The following ITGB6 variants were observed in gnomAD, a reference collection of about 807,000 sequenced individuals.
The protein encoded by ITGB6 is integrin beta-6.
A neutral mutation model predicts 84.5 loss-of-function variants in ITGB6; 80 were observed. That is an observed-to-expected ratio of 0.95 (90% CI 0.79 to 1.14). ITGB6 has a LOEUF of 1.14. ITGB6 is among the 50% of genes most tolerant of loss of function. The probability of loss-of-function intolerance (pLI) is 0.00; values close to 1 mark genes in which losing one functional copy is unlikely to be tolerated. For synonymous variants in ITGB6, 383 were observed against 354.9 expected, an observed-to-expected ratio of 1.08 and a Z score of -0.89; for missense variants, 1,006 against 968.0, an observed-to-expected ratio of 1.04 and a Z score of -0.52.
At chr2:160,162,409 A>T (rs966664714) in intron 7 of ITGB6, among the ~76,000 whole-genome samples, 1 of 152,136 alleles carries the variant, frequency 6.6e-6, no homozygotes, top group Non-Finnish European at 1.5e-5. Context: ...TATTTTTAAT[A>T]GCACAAAAAA....
intron 4 of ITGB6, among the ~76,000 whole-genome samples, chr2:160,183,398 A>G (rs1427259536): frequency 6.6e-6 from 1 of 152,206 alleles, no homozygotes; most frequent in Admixed American, 6.5e-5. Flanking sequence ...AAAGAAGGGC[A>G]TTACATAATG....
intron 12 of ITGB6, among the ~76,000 whole-genome samples, chr2:160,115,907 C>G (rs6736279): frequency 6.6e-6 from 1 of 150,564 alleles, no homozygotes; most frequent in Admixed American, 6.6e-5. Context: ...GAAGAAAGGG[C>G]ATCAGTGATG....
chr2:160,123,008 C>A (rs534545064), intron 12 of ITGB6, among the ~76,000 whole-genome samples: 1 of 152,292 alleles, frequency 6.6e-6, no homozygotes, highest in African/African-American at 2.4e-5. Context: ...CAGGATGATA[C>A]CAAATTAAAT....
intron 12 of ITGB6, among the ~76,000 whole-genome samples, chr2:160,112,460 A>C (rs1682578052): frequency 6.6e-6 from 1 of 152,188 alleles, no homozygotes; most frequent in Non-Finnish European, 1.5e-5. Context: ...GGATTGCAAC[A>C]GGCTGAACGT....
chr2:160,135,948 A>G (rs922498443), intron 10 of ITGB6, among the ~76,000 whole-genome samples: 1 of 152,178 alleles, frequency 6.6e-6, no homozygotes, highest in Non-Finnish European at 1.5e-5. Context: ...AACAATAAAA[A>G]CTCTAGAAGA....
intron 12 of ITGB6, among the ~76,000 whole-genome samples, chr2:160,116,450 A>G (rs1188402983): frequency 6.6e-6 from 1 of 152,092 alleles, no homozygotes; most frequent in Middle Eastern, 3.2e-3. Context: ...TACTTTACAG[A>G]CAAGCAAATG....
intron 12 of ITGB6, among the ~76,000 whole-genome samples, chr2:160,115,018 C>T (rs558216906): frequency 2.0e-4 from 31 of 152,324 alleles, no homozygotes; most frequent in Non-Finnish European, 4.0e-4. Context: ...TGGGTGGAGC[C>T]CACCACAGCT....
intron 4 of ITGB6, among the ~76,000 whole-genome samples, chr2:160,184,286 A>G (rs890495995): frequency 6.6e-6 from 1 of 152,236 alleles, no homozygotes; most frequent in South Asian, 2.1e-4. Flanking sequence ...ATAAAAAATG[A>G]TAAACAGGAT....
At chr2:160,141,481 A>G (rs938409453) in intron 8 of ITGB6, among the ~76,000 whole-genome samples, 2 of 152,212 alleles carry the variant, frequency 1.3e-5, no homozygotes, top group Admixed American at 6.5e-5. Context: ...CCAGTGGAAA[A>G]TGTCCCTAGT....
chr2:160,148,644 G>A lies in ITGB6; in HGVS notation c.1018-6573C>T, dbSNP rs138722490. 8.6e-4 allele frequency among the ~76,000 whole-genome samples: 131 copies of A among 152,296 alleles called. 1 individual carries two copies. Among genetic ancestry groups the A allele is most frequent in the African/African-American group, 3.0e-3 (124 of 41,580 alleles). ...AGAGGGTGAGCAGAAGCAGGGCGGG[G>A]CATTGCCTCACCCGGGAAGTGCAAA... On this transcript the variant is annotated intron_variant, in intron 7 of 14. Transcript: ENST00000283249.
chr2:160,132,253 G>A (rs570873369), intron 10 of ITGB6, among the ~76,000 whole-genome samples: 1 of 152,026 alleles, frequency 6.6e-6, no homozygotes, highest in Admixed American at 6.6e-5. Context: ...TATTAAACCA[G>A]GAAATAAACC....
chr2:160,145,523 A>G (rs1009985707), intron 7 of ITGB6, among the ~76,000 whole-genome samples: 1 of 152,174 alleles, frequency 6.6e-6, no homozygotes, highest in Non-Finnish European at 1.5e-5. Flanking sequence ...CTCTTTGTGG[A>G]AGAGAAAGCA....
chr2:160,169,426 G>A, intron 6 of ITGB6, 119 bp from the exon 7 acceptor site: 2 of 585,284 alleles, frequency 3.4e-6, no homozygotes, highest in Non-Finnish European at 6.1e-6. Flanking sequence ...AGGCATTATA[G>A]CTCTATCACT....
chr2:160,168,526 C>T (rs898302829), intron 7 of ITGB6, among the ~76,000 whole-genome samples: 12 of 152,126 alleles, frequency 7.9e-5, no homozygotes, highest in Non-Finnish European at 1.8e-4. Context: ...GGCATTTTGA[C>T]ATATTTTTCC....
intron 11 of ITGB6, among the ~76,000 whole-genome samples, chr2:160,124,537 A>G (rs1372820043): frequency 6.6e-6 from 1 of 152,228 alleles, no homozygotes; most frequent in East Asian, 1.9e-4. Flanking sequence ...GAATTAAGGT[A>G]CTCTAAAGAC....
chr2:160,189,192 A>T (rs1484000768), intron 4 of ITGB6, among the ~76,000 whole-genome samples: 1 of 152,246 alleles, frequency 6.6e-6, no homozygotes, highest in East Asian at 1.9e-4. Context: ...CACCTTATAC[A>T]AAAATTAATT....
chr2:160,154,998 G>A (rs1684570864), intron 7 of ITGB6, among the ~76,000 whole-genome samples: 2 of 152,290 alleles, frequency 1.3e-5, no homozygotes, highest in South Asian at 4.1e-4. Context: ...GGTCTCATGA[G>A]ATCTGGTTGT....
chr2:160,116,122 G>T (rs1427603430), intron 12 of ITGB6, among the ~76,000 whole-genome samples: 2 of 147,838 alleles, frequency 1.4e-5, no homozygotes, highest in African/African-American at 5.0e-5. Flanking sequence ...CCCCAATCTA[G>T]CAAGGCAGGC....
chr2:160,116,804 A>G (rs942268595), intron 12 of ITGB6, among the ~76,000 whole-genome samples: 2 of 152,102 alleles, frequency 1.3e-5, no homozygotes, highest in Non-Finnish European at 2.9e-5. Flanking sequence ...GCTCAAAATA[A>G]AGGGATGGAG....
Sources: gnomAD v4.1 joint callset for allele counts (sites outside exome capture counted in the v4.1 genomes callset) on GRCh38, gnomAD v4.1.1 for gene constraint, MANE v1.5 for transcripts, NCBI Gene and HGNC (gene_info 2026-07-23, HGNC 2026-07-21) for gene names.